The following TRAK2 variants were observed in gnomAD, a reference collection of about 807,000 sequenced individuals.
TRAK2 encodes trafficking kinesin-binding protein 2.
In TRAK2, 81 loss-of-function variants were observed where a neutral mutation model predicts 104.6. That is an observed-to-expected ratio of 0.77 (90% CI 0.65 to 0.93). The LOEUF is 0.93. Ranked by LOEUF, TRAK2 falls within the 40% of genes least tolerant of loss-of-function variation. TRAK2 has a pLI of 0.00. For missense variants in TRAK2, 1,002 were observed against 1,089.0 expected, an observed-to-expected ratio of 0.92 and a Z score of 1.12; for synonymous variants, 406 against 394.4, an observed-to-expected ratio of 1.03 and a Z score of -0.35.
chr2:201,445,375 T>C (rs373964031), intron 1 of TRAK2, among the ~76,000 whole-genome samples: 2 of 152,198 alleles, frequency 1.3e-5, no homozygotes, highest in East Asian at 1.9e-4. Context: ...AAAAGATAAA[T>C]AGTAGTATAC....
chr2:201,437,301 G>C (rs1017893966), intron 1 of TRAK2, among the ~76,000 whole-genome samples: 2 of 152,094 alleles, frequency 1.3e-5, no homozygotes, highest in African/African-American at 4.8e-5. Context: ...ATTCTCCCCA[G>C]TTCTTCAGGA....
chr2:201,397,977 G>A, intron 6 of TRAK2, 168 bp downstream of exon 6: 2 of 631,724 alleles, frequency 3.2e-6, no homozygotes, highest in Non-Finnish European at 5.5e-6. Context: ...TTTTCAGTGG[G>A]ATCTAAGAAC....
In TRAK2 at chr2:201,386,152, T is replaced by C. The variant is rs1951387632; in HGVS notation, c.1963+66A>G. The C allele has an allele frequency of 2.6e-6, 4 of 1,564,814 alleles. No individual in the cohort carries two copies. In the South Asian group the frequency reaches 4.6e-5, roughly 18 times the overall value. Reference sequence around the variant, plus strand: ...GTGAGCAGAGGTAGCCAGCTGACTGTCTAGTAAGTCAGAATGCAAAGTACT... The same window carrying C: ...GTGAGCAGAGGTAGCCAGCTGACTGCCTAGTAAGTCAGAATGCAAAGTACT... On this transcript the variant is annotated intron_variant, in intron 14 of 15. Coordinates refer to ENST00000332624, the MANE Select transcript of TRAK2 (RefSeq NM_015049.3).
At chr2:201,383,583 G>A (rs769949553) in intron 15 of TRAK2, among the ~76,000 whole-genome samples, 3 of 152,174 alleles carry the variant, frequency 2.0e-5, no homozygotes, top group Non-Finnish European at 4.4e-5. Context: ...CTAAGGACAC[G>A]TGTAGAATTC....
chr2:201,435,883 A>T (rs2125660749), intron 1 of TRAK2, among the ~76,000 whole-genome samples: 1 of 152,222 alleles, frequency 6.6e-6, no homozygotes, highest in African/African-American at 2.4e-5. Context: ...CTCAGAGAGA[A>T]CACCAGAAAT....
At chr2:201,445,491 C>G (rs977955598) in intron 1 of TRAK2, among the ~76,000 whole-genome samples, 1 of 152,166 alleles carries the variant, frequency 6.6e-6, no homozygotes, top group African/African-American at 2.4e-5. Context: ...GCTAAGAAAT[C>G]TAAGAAAATA....
At chr2:201,395,095 G>C in intron 8 of TRAK2, 1 of 604,966 alleles carries the variant, frequency 1.7e-6, no homozygotes, top group Non-Finnish European at 2.8e-6. Context: ...ACTTTCTGAG[G>C]AAGCACTAAC....
At chr2:201,430,334 G>A (rs1951831447) in intron 1 of TRAK2, among the ~76,000 whole-genome samples, 3 of 152,228 alleles carry the variant, frequency 2.0e-5, no homozygotes. Flanking sequence ...CGTGCTGGGA[G>A]AACCACTATT....
At chr2:201,393,147 G>A in intron 9 of TRAK2, 101 bp from the exon 10 acceptor site, 1 of 1,191,694 alleles carries the variant, frequency 8.4e-7, no homozygotes, top group South Asian at 1.9e-5. Flanking sequence ...TTACCCAGAG[G>A]GCTAGCTAAC....
At chr2:201,419,814 G>T (rs747743093) in intron 2 of TRAK2, among the ~76,000 whole-genome samples, 41 of 152,140 alleles carry the variant, frequency 2.7e-4, no homozygotes, top group Non-Finnish European at 4.7e-4. Flanking sequence ...TACATTAACT[G>T]TATGTTATAT....
At chr2:201,445,960 G>C (rs1951961121) in intron 1 of TRAK2, among the ~76,000 whole-genome samples, 1 of 152,148 alleles carries the variant, frequency 6.6e-6, no homozygotes, top group Non-Finnish European at 1.5e-5. Context: ...TTTAATAAAG[G>C]TATAAACTAG....
chr2:201,416,226 T>TAAAAAAA (rs11398184), intron 2 of TRAK2, among the ~76,000 whole-genome samples: 1 of 90,882 alleles, frequency 1.1e-5, no homozygotes, highest in African/African-American at 4.3e-5. Flanking sequence ...GACTCTACAT[T>TAAAAAAA]AAAAAAAAAA....
intron 13 of TRAK2, among the ~76,000 whole-genome samples, chr2:201,387,007 T>G (rs988467311): frequency 6.6e-6 from 1 of 152,242 alleles, no homozygotes; most frequent in African/African-American, 2.4e-5. Flanking sequence ...TGTCTAATTA[T>G]GTCACTGTAG....
intron 2 of TRAK2, among the ~76,000 whole-genome samples, chr2:201,413,986 C>T (rs943405820): frequency 4.6e-5 from 7 of 152,168 alleles, no homozygotes; most frequent in Non-Finnish European, 7.3e-5. Flanking sequence ...GTTAGACACA[C>T]GATTCATCCT....
chr2:201,401,200 A>C (rs1951548147), intron 3 of TRAK2, 106 bp from the exon 4 acceptor site: 1 of 639,728 alleles, frequency 1.6e-6, no homozygotes, highest in Non-Finnish European at 2.6e-6. Flanking sequence ...AGCCTTTTAC[A>C]AAAAGTCATT....
At chr2:201,390,472 G>A (rs886687239) in intron 10 of TRAK2, among the ~76,000 whole-genome samples, 2 of 149,298 alleles carry the variant, frequency 1.3e-5, no homozygotes, top group African/African-American at 4.9e-5. Context: ...GCTGAGGCAG[G>A]AGAATGACGT....
At chr2:201,382,795 C>T (rs1275983564) in intron 15 of TRAK2, among the ~76,000 whole-genome samples, 2 of 152,190 alleles carry the variant, frequency 1.3e-5, no homozygotes, top group Non-Finnish European at 2.9e-5. Flanking sequence ...TTTCCCTCCA[C>T]ACTGGCAGCT....
chr2:201,416,357 G>A (rs1321830645), intron 2 of TRAK2, among the ~76,000 whole-genome samples: 3 of 151,864 alleles, frequency 2.0e-5, no homozygotes, highest in Non-Finnish European at 4.4e-5. Flanking sequence ...AGTGAGCCAT[G>A]ATCGTGTCAC....
chr2:201,429,456 T>C (rs1482655480), intron 1 of TRAK2, among the ~76,000 whole-genome samples: 1 of 152,204 alleles, frequency 6.6e-6, no homozygotes, highest in Non-Finnish European at 1.5e-5. Context: ...CTGAAGAGTG[T>C]TTTCCAACTT....
Sources: gnomAD v4.1 joint callset for allele counts (sites outside exome capture counted in the v4.1 genomes callset) on GRCh38, gnomAD v4.1.1 for gene constraint, MANE v1.5 for transcripts, NCBI Gene and HGNC (gene_info 2026-07-23, HGNC 2026-07-21) for gene names.